Variants in HMCN1 observed in about 807,000 individuals in gnomAD.
HMCN1 encodes the protein hemicentin 1, also known as hemicentin-1.
In HMCN1, 321 loss-of-function variants were observed where a neutral mutation model predicts 625.9. The observed-to-expected ratio is 0.51, with a 90% CI of 0.47 to 0.56. The LOEUF is 0.56. Among genes scored for constraint, HMCN1 ranks in the 20% least tolerant of loss-of-function variants. The pLI is 0.00. For synonymous variants in HMCN1, 2,425 were observed against 2,417.6 expected, an observed-to-expected ratio of 1.00 and a Z score of -0.09; for missense variants, 6,588 against 6,887.3, an observed-to-expected ratio of 0.96 and a Z score of 1.54.
chr1:186,079,059 C>T (rs1659003022), intron 55 of HMCN1, among the ~76,000 whole-genome samples: 1 of 152,160 alleles, frequency 6.6e-6, no homozygotes, highest in Non-Finnish European at 1.5e-5. Context: ...ATATGTCCTG[C>T]CTAGGATCAG....
intron 97 of HMCN1, 125 bp from the exon 98 acceptor site, chr1:186,164,986 C>T: frequency 1.2e-6 from 1 of 819,586 alleles, no homozygotes; most frequent in South Asian, 1.4e-5. Flanking sequence ...CTTATTTTCA[C>T]CTATTGCATT....
At chr1:185,987,599 CA>C (rs1652088222) in intron 20 of HMCN1, 55 bp downstream of exon 20, 1 of 1,150,260 alleles carries the variant, frequency 8.7e-7, no homozygotes, top group East Asian at 2.3e-5. Flanking sequence ...AGTTCACCTG[CA>C]AGTTATCCCT....
intron 68 of HMCN1, among the ~76,000 whole-genome samples, chr1:186,100,331 A>G (rs1660328513): frequency 6.6e-6 from 1 of 152,130 alleles, no homozygotes; most frequent in Admixed American, 6.6e-5. Context: ...TCTTCACTTG[A>G]AGCAGTGCTA....
rs1652747142 is a variant in HMCN1, at chr1:186,178,621, A to G, written c.16149A>G (p.Gln5383=). The G allele has an allele frequency of 6.2e-7, 1 of 1,614,024 alleles. No individual in the cohort carries two copies. Among genetic ancestry groups the G allele is most frequent in the Non-Finnish European group, 8.5e-7 (1 of 1,179,978 alleles). Residue 5383 remains glutamine (Q), a synonymous_variant, in exon 104 of 107, where the codon CAA becomes CAG. Coordinates refer to ENST00000271588, the MANE Select transcript of HMCN1 (RefSeq NM_031935.3). ...ARFSPVRNNY[Q]PQQHYRQYSH... ...TCTCCCCTGTGAGAAACAACTATCA[A>G]CCTCAACAGCATTACAGACAGTACT...
chr1:186,125,732 G>GCTAA lies in HMCN1; in HGVS notation c.12631_12634dup (p.Leu4212Ter). ...CTGGAAAAAAGACAATGTTCTTTTAGCTAACTTGTTAGGAAAATACACTGC... is the reference window on the plus strand; with the variant it reads ...CTGGAAAAAAGACAATGTTCTTTTAGCTAACTAACTTGTTAGGAAAATACACTGC... On this transcript the variant is annotated frameshift_variant, in exon 82 of 107. Coordinates refer to ENST00000271588, the MANE Select transcript of HMCN1 (RefSeq NM_031935.3). LOFTEE classifies it high-confidence loss of function. The GCTAA allele has an allele frequency of 6.2e-7, 1 of 1,613,278 alleles. No homozygotes were observed. Among genetic ancestry groups the GCTAA allele is most frequent in the Non-Finnish European group, 8.5e-7 (1 of 1,179,386 alleles).
chr1:185,756,226 T>C (rs898827809), intron 1 of HMCN1, among the ~76,000 whole-genome samples: 3 of 152,184 alleles, frequency 2.0e-5, no homozygotes, highest in Non-Finnish European at 2.9e-5. Context: ...TTAAAGGCTG[T>C]AGCCAGTTCG....
intron 100 of HMCN1, among the ~76,000 whole-genome samples, chr1:186,168,530 A>C (rs923413363): frequency 1.5e-5 from 2 of 132,978 alleles, no homozygotes; most frequent in African/African-American, 6.2e-5. Context: ...GGTTAAATTA[A>C]AAGATGTCAA....
At chr1:186,069,429 C>G (rs1369285164) in intron 50 of HMCN1, among the ~76,000 whole-genome samples, 1 of 152,138 alleles carries the variant, frequency 6.6e-6, no homozygotes, top group Non-Finnish European at 1.5e-5. Flanking sequence ...CATGGCAGGT[C>G]TGAATGAGCA....
At chr1:185,933,904 A>G in intron 11 of HMCN1, 80 bp downstream of exon 11, 5 of 1,220,090 alleles carry the variant, frequency 4.1e-6, no homozygotes, top group Admixed American at 1.7e-5. Context: ...CAAGTTGGCT[A>G]TCTGAGAGTG....
intron 11 of HMCN1, among the ~76,000 whole-genome samples, chr1:185,951,409 A>G (rs1354287824): frequency 6.6e-6 from 1 of 151,540 alleles, no homozygotes; most frequent in Admixed American, 6.6e-5. Flanking sequence ...GAGGCAAGGG[A>G]AACGGGCCCT....
chr1:186,082,567 G>A (rs1437671656), intron 56 of HMCN1, among the ~76,000 whole-genome samples: 2 of 152,034 alleles, frequency 1.3e-5, no homozygotes, highest in African/African-American at 4.8e-5. Context: ...TGATGGGAGG[G>A]GTGTCAAAGT....
chr1:185,944,748 T>G (rs967901878), intron 11 of HMCN1, among the ~76,000 whole-genome samples: 1 of 152,182 alleles, frequency 6.6e-6, no homozygotes, highest in Admixed American at 6.5e-5. Flanking sequence ...GACAGTATAC[T>G]CCATTAAGTC....
chr1:186,069,563 AAG>A, intron 50 of HMCN1, 98 bp from the exon 51 acceptor site: 2 of 761,622 alleles, frequency 2.6e-6, no homozygotes, highest in Non-Finnish European at 4.7e-6. Context: ...CATATGTAAA[AAG>A]AAATATGTTA....
rs1347814233 is a variant in HMCN1 at position 186,008,723 on chromosome 1, T to G, written c.4630+1441T>G. Among the ~76,000 whole-genome samples, 3 of 152,274 alleles carry G rather than the reference T, an allele frequency of 2.0e-5. No individual in the cohort carries two copies. The South Asian group carries it at 6.2e-4, about 32-fold the overall frequency. ...CAGTAGTGTTATTGTGAAGATCAAATGCTAGATACTTTACGTGGATTATTG... is the reference window on the plus strand; with the variant it reads ...CAGTAGTGTTATTGTGAAGATCAAAGGCTAGATACTTTACGTGGATTATTG... On this transcript the variant is annotated intron_variant, in intron 30 of 106. Coordinates refer to ENST00000271588, the MANE Select transcript of HMCN1 (RefSeq NM_031935.3).
chr1:186,138,994 T>C (rs974645562), intron 89 of HMCN1, among the ~76,000 whole-genome samples: 3 of 152,196 alleles, frequency 2.0e-5, no homozygotes, highest in Non-Finnish European at 4.4e-5. Context: ...ATCTTTCCAG[T>C]ATTTATCAAC....
intron 24 of HMCN1, among the ~76,000 whole-genome samples, 166 bp from the exon 25 acceptor site, chr1:185,997,263 T>C (rs1652853613): frequency 6.6e-6 from 1 of 152,122 alleles, no homozygotes; most frequent in African/African-American, 2.4e-5. Context: ...TTTAAGGCAC[T>C]GGGTGACGTC....
intron 1 of HMCN1, among the ~76,000 whole-genome samples, chr1:185,781,901 C>T (rs181256682): frequency 1.3e-5 from 2 of 152,250 alleles, no homozygotes; most frequent in African/African-American, 4.8e-5. Flanking sequence ...CCTGGATATC[C>T]TTGTTAACTT....
chr1:185,858,130 C>T (rs1662587949), intron 2 of HMCN1, among the ~76,000 whole-genome samples: 1 of 152,136 alleles, frequency 6.6e-6, no homozygotes, highest in Non-Finnish European at 1.5e-5. Flanking sequence ...GTCAATAAAA[C>T]ATGTTAAAAG....
At position 185,836,499 on chromosome 1, in the gene HMCN1, T is replaced by C. The variant is rs550375282; in HGVS notation, c.269-9527T>C. ...TCCATGGAACAATAATTTAGTTGAT[T>C]CCTAATATTATTTAGAGAATTATAT... On this transcript the variant is annotated intron_variant, in intron 1 of 106. Coordinates refer to ENST00000271588, the MANE Select transcript of HMCN1 (RefSeq NM_031935.3). Among the ~76,000 whole-genome samples the C allele has an allele frequency of 2.6e-5, 4 of 152,280 alleles. No individual in the cohort carries two copies. In the South Asian group the frequency reaches 8.3e-4, roughly 32 times the overall value.
Sources: allele counts gnomAD v4.1 joint callset (sites outside exome capture counted in the v4.1 genomes callset), GRCh38; gene constraint gnomAD v4.1.1; transcripts MANE v1.5; gene names NCBI Gene and HGNC (gene_info 2026-07-23, HGNC 2026-07-21).